Variants in NKAIN3 observed in about 807,000 individuals in gnomAD.
The protein encoded by NKAIN3 is sodium/potassium transporting ATPase interacting 3, also known as sodium/potassium-transporting ATPase subunit beta-1-interacting protein 3.
Under a neutral mutation model 30.2 loss-of-function variants are expected in NKAIN3, and 25 were observed. The observed-to-expected ratio is 0.83, with a 90% CI of 0.60 to 1.16. NKAIN3 has a LOEUF of 1.16. Among genes scored for constraint, NKAIN3 ranks in the 50% most tolerant of loss-of-function variants. The pLI is 0.00. For synonymous variants in NKAIN3, 91 were observed against 89.6 expected, an observed-to-expected ratio of 1.02 and a Z score of -0.09; for missense variants, 225 against 254.1, an observed-to-expected ratio of 0.89 and a Z score of 0.78.
rs1821569257 is a variant in NKAIN3 at position 62,900,251 on chromosome 8, G to GA, written c.472-18197dup. Among the ~76,000 whole-genome samples the GA allele has an allele frequency of 2.0e-5, 3 of 152,194 alleles. No individual in the cohort carries two copies. The South Asian group carries it at 6.2e-4, about 32-fold the overall frequency. ...TCATATCTTGTATTCTTGTGCTGCAGAAAAATGCTTTTAAAAGCTTAAGCC... is the reference window on the plus strand; with the variant it reads ...TCATATCTTGTATTCTTGTGCTGCAGAAAAAATGCTTTTAAAAGCTTAAGCC... On this transcript the variant is annotated intron_variant, in intron 4 of 6. Transcript: ENST00000623646.
intron 1 of NKAIN3, among the ~76,000 whole-genome samples, chr8:62,571,722 C>T (rs769673730): frequency 3.3e-5 from 5 of 152,152 alleles, no homozygotes; most frequent in African/African-American, 4.8e-5. Flanking sequence ...GACTTCTGTG[C>T]ACCCACAGGC....
intron 1 of NKAIN3, among the ~76,000 whole-genome samples, chr8:62,269,621 A>G (rs1812717297): frequency 6.6e-6 from 1 of 152,180 alleles, no homozygotes; most frequent in Non-Finnish European, 1.5e-5. Flanking sequence ...TCAGTGTTCA[A>G]ATACGTAGAT....
In NKAIN3 at chr8:62,802,351, G is replaced by A. The variant is rs563417869; in HGVS notation, c.471+55222G>A. On this transcript the variant is annotated intron_variant, in intron 4 of 6. Transcript: ENST00000623646. ...CCAAAGTTGAAATGAAGGAAAAAAT[G>A]TTAAGGGCAGCCAGAGAGAAAGGTT... is the stretch of plus-strand genomic sequence containing the variant. Among the ~76,000 whole-genome samples the A allele has an allele frequency of 9.9e-4, 151 of 152,276 alleles. 2 individuals are homozygous for A. Among genetic ancestry groups the A allele is most frequent in the African/African-American group, 3.6e-3 (149 of 41,562 alleles).
At chr8:62,933,047 G>T (rs913873739) in intron 5 of NKAIN3, among the ~76,000 whole-genome samples, 2 of 142,252 alleles carry the variant, frequency 1.4e-5, no homozygotes, top group Admixed American at 7.2e-5. Flanking sequence ...TGAGAGAATT[G>T]ATACCTTGTC....
At chr8:62,585,676 A>G (rs1476594216) in intron 2 of NKAIN3, among the ~76,000 whole-genome samples, 2 of 152,098 alleles carry the variant, frequency 1.3e-5, no homozygotes, top group Non-Finnish European at 2.9e-5. Flanking sequence ...CGCTGATCTG[A>G]CAGGAGGCAG....
intron 3 of NKAIN3, among the ~76,000 whole-genome samples, chr8:62,734,232 G>A (rs1247632857): frequency 3.3e-5 from 5 of 152,166 alleles, no homozygotes; most frequent in Non-Finnish European, 7.4e-5. Context: ...GCAGTGAACC[G>A]AGACTGAGCC....
At position 62,805,795 on chromosome 8, in the gene NKAIN3, G is replaced by A. The variant is rs535629459; in HGVS notation, c.471+58666G>A. 3.3e-5 allele frequency among the ~76,000 whole-genome samples: 5 copies of A among 152,250 alleles called. No homozygotes were observed. In the South Asian group the frequency reaches 8.3e-4, roughly 25 times the overall value. The stretch of plus-strand genomic sequence containing the variant: ...AGCAATGGCAACAAAAGCCAAAATG[G>A]ACAAATGGGATCTAATTAAACTAAA... On this transcript the variant is annotated intron_variant, in intron 4 of 6. Coordinates refer to ENST00000623646, the MANE Select transcript of NKAIN3 (RefSeq NM_001304533.3).
chr8:62,753,199 A>G (rs1221073470), intron 4 of NKAIN3, among the ~76,000 whole-genome samples: 1 of 116,630 alleles, frequency 8.6e-6, no homozygotes, highest in East Asian at 2.3e-4. Context: ...CCACAGATTT[A>G]AAGAGGATGC....
chr8:62,622,600 C>T (rs889481091), intron 3 of NKAIN3, among the ~76,000 whole-genome samples: 28 of 151,744 alleles, frequency 1.8e-4, no homozygotes, highest in African/African-American at 5.3e-4. Context: ...TTGTCTTTTG[C>T]GCATTTTCTA....
chr8:62,289,091 T>G (rs941769070), intron 1 of NKAIN3, among the ~76,000 whole-genome samples: 6 of 152,322 alleles, frequency 3.9e-5, no homozygotes, highest in African/African-American at 1.4e-4. Flanking sequence ...ATGGGGTTGT[T>G]TGATTTTTTC....
intron 1 of NKAIN3, among the ~76,000 whole-genome samples, chr8:62,350,296 T>C (rs537019520): frequency 8.8e-4 from 134 of 152,338 alleles, no homozygotes; most frequent in African/African-American, 3.1e-3. Context: ...TAAAAAGGAA[T>C]GTAATTTCAA....
chr8:62,261,339 T>C (rs534712060), intron 1 of NKAIN3, among the ~76,000 whole-genome samples: 46 of 151,964 alleles, frequency 3.0e-4, no homozygotes, highest in Middle Eastern at 3.4e-3. Flanking sequence ...TTCATGCACA[T>C]TGCATAACTG....
intron 6 of NKAIN3, among the ~76,000 whole-genome samples, chr8:62,963,081 C>T (rs760612940): frequency 7.9e-5 from 12 of 151,986 alleles, no homozygotes; most frequent in South Asian, 2.1e-4. Context: ...TTAGTAGAGA[C>T]GGGGTTTCAC....
rs117831069 is a variant in NKAIN3 at position 62,658,340 on chromosome 8, G to A, written c.273+68546G>A. On this transcript the variant is annotated intron_variant, in intron 3 of 6. Transcript: ENST00000623646. ...AGCCTTTGGCAAAATTTAATTTCGCGGTGAGGATTCAGTACAAGACTCTTT... is the reference window on the plus strand; with the variant it reads ...AGCCTTTGGCAAAATTTAATTTCGCAGTGAGGATTCAGTACAAGACTCTTT... Among the ~76,000 whole-genome samples the A allele has an allele frequency of 2.0e-3, 300 of 152,182 alleles. 5 individuals carry two copies. In the East Asian group the frequency reaches 0.046, roughly 23 times the overall value.
intron 3 of NKAIN3, among the ~76,000 whole-genome samples, chr8:62,618,679 G>A (rs994742818): frequency 2.0e-5 from 3 of 152,176 alleles, no homozygotes; most frequent in African/African-American, 4.8e-5. Flanking sequence ...GCCGAAGCAG[G>A]CAGATCACCT....
chr8:62,470,422 C>T (rs1401603153), intron 1 of NKAIN3, among the ~76,000 whole-genome samples: 4 of 152,094 alleles, frequency 2.6e-5, no homozygotes, highest in African/African-American at 9.7e-5. Flanking sequence ...TGACAGATAC[C>T]TTTTCCATTA....
chr8:62,371,860 ACTTT>A lies in NKAIN3; in HGVS notation c.54+122739_54+122742del, dbSNP rs1816917286. ...TGAGAATGCTAAGGAAGTTTCTAAA[ACTTT>A]CTTTCAGTTCCCATGGTAAATTATT... On this transcript the variant is annotated intron_variant, in intron 1 of 6. Transcript: ENST00000623646. 3.9e-5 allele frequency among the ~76,000 whole-genome samples: 6 copies of A among 151,922 alleles called. No homozygotes were observed. The South Asian group carries it at 1.2e-3, about 32-fold the overall frequency.
chr8:62,550,175 T>C (rs972929286), intron 1 of NKAIN3, among the ~76,000 whole-genome samples: 2 of 152,152 alleles, frequency 1.3e-5, no homozygotes, highest in Non-Finnish European at 2.9e-5. Flanking sequence ...CTATTTGCCA[T>C]CAAACTATGG....
chr8:62,394,606 C>T (rs2129594770), intron 1 of NKAIN3, among the ~76,000 whole-genome samples: 2 of 152,310 alleles, frequency 1.3e-5, no homozygotes, highest in Middle Eastern at 3.4e-3. Flanking sequence ...AAAGGCGCTC[C>T]TCACTTCCCA....
Sources: gnomAD v4.1 joint callset for allele counts (sites outside exome capture counted in the v4.1 genomes callset) on GRCh38, gnomAD v4.1.1 for gene constraint, MANE v1.5 for transcripts, NCBI Gene and HGNC (gene_info 2026-07-23, HGNC 2026-07-21) for gene names.